CLNK: variants seen among roughly 807,000 people sequenced by gnomAD.
CLNK encodes the protein cytokine-dependent hematopoietic cell linker.
In CLNK, 74 loss-of-function variants were observed where a neutral mutation model predicts 68.6. The ratio of observed to expected loss-of-function variants is 1.08; its 90% CI spans 0.89 to 1.31. The LOEUF (loss-of-function observed/expected upper bound fraction) is 1.31, where lower values mean the gene tolerates loss of function less well. Ranked by LOEUF, CLNK falls within the 50% of genes most tolerant of loss-of-function variation. The pLI is 0.00. For missense variants in CLNK, 553 were observed against 515.3 expected (o/e 1.07, Z -0.71); for synonymous variants, 198 against 172.2 (o/e 1.15, Z -1.17).
chr4:10,727,922 T>C, the CLNK span, among the ~76,000 whole-genome samples: 1 of 152,140 alleles, frequency 6.6e-6, no homozygotes, highest in Admixed American at 6.5e-5. Flanking sequence ...GCTTAGCAAT[T>C]TTTTTTAACA....
intron 18 of CLNK, among the ~76,000 whole-genome samples, chr4:10,499,480 G>T (rs1055654719): frequency 6.6e-6 from 1 of 152,208 alleles, no homozygotes; most frequent in Non-Finnish European, 1.5e-5. Context: ...TCAAAAAAGT[G>T]CTCTGGTCAG....
At chr4:10,584,891 T>C in intron 4 of CLNK, 36 bp downstream of exon 4, 1 of 1,609,848 alleles carries the variant, frequency 6.2e-7, no homozygotes, top group Non-Finnish European at 8.5e-7. Context: ...CATGCTGACA[T>C]TCCCACCACT....
intron 18 of CLNK, among the ~76,000 whole-genome samples, chr4:10,493,507 G>C (rs376915332): frequency 6.6e-6 from 1 of 152,028 alleles, no homozygotes; most frequent in Non-Finnish European, 1.5e-5. Flanking sequence ...TCTTTTACAA[G>C]GGAACGAATC....
Position 10,584,952 on chromosome 4 carries a change from T to C in CLNK, c.87A>G (p.Ser29=), listed in dbSNP as rs1349443500. ...FQNFSLPKNR[S]WPRINSATGQ... ...CTGTGGCACTATTGATGCGAGGCCA[T>C]GACCTAGGGCAGAAAAGAGAACCAA... is the stretch of plus-strand genomic sequence containing the variant. The change falls in exon 4 of 19, where the codon TCA becomes TCG. Residue 29 remains serine, a synonymous_variant. Transcript: ENST00000226951. The C allele has an allele frequency of 1.2e-6, 2 of 1,613,578 alleles. No homozygotes were observed. Among genetic ancestry groups the C allele is most frequent in the African/African-American group, 1.3e-5 (1 of 74,896 alleles).
At chr4:10,618,613 C>T (rs570503263) in intron 2 of CLNK, among the ~76,000 whole-genome samples, 2 of 152,298 alleles carry the variant, frequency 1.3e-5, no homozygotes, top group South Asian at 2.1e-4. Context: ...TTAATTGGCT[C>T]ACGGTTCTGC....
intron 5 of CLNK, among the ~76,000 whole-genome samples, chr4:10,568,745 C>T (rs996293986): frequency 1.3e-5 from 2 of 152,142 alleles, no homozygotes; most frequent in African/African-American, 4.8e-5. Flanking sequence ...CTCTTCAGAG[C>T]CCCTGGAGGA....
intron 2 of CLNK, among the ~76,000 whole-genome samples, chr4:10,647,398 T>C (rs1033670851): frequency 6.6e-6 from 1 of 152,188 alleles, no homozygotes; most frequent in Admixed American, 6.5e-5. Context: ...CTTTGAAGAC[T>C]GGGAAATAGT....
chr4:10,722,230 C>A, the CLNK span, among the ~76,000 whole-genome samples: 2 of 152,070 alleles, frequency 1.3e-5, no homozygotes, highest in African/African-American at 4.8e-5. Context: ...GAGAGCAACT[C>A]ACCAATTTGG....
upstream of CLNK, among the ~76,000 whole-genome samples, chr4:10,686,835 T>A (rs1406025655): frequency 6.6e-6 from 1 of 152,184 alleles, no homozygotes; most frequent in Non-Finnish European, 1.5e-5. Context: ...TTCTGCTTTT[T>A]ACTCATGAAG....
chr4:10,587,145 T>C (rs1184813560), intron 3 of CLNK, among the ~76,000 whole-genome samples: 1 of 152,074 alleles, frequency 6.6e-6, no homozygotes, highest in Non-Finnish European at 1.5e-5. Flanking sequence ...TTTGTATTTG[T>C]AGTAGAGATG....
chr4:10,652,405 G>GAA, intron 2 of CLNK, among the ~76,000 whole-genome samples: 1 of 118,128 alleles, frequency 8.5e-6, no homozygotes, highest in East Asian at 2.7e-4. Context: ...AAAAAAAAAG[G>GAA]AAAAAAAAGA....
intron 5 of CLNK, among the ~76,000 whole-genome samples, chr4:10,571,245 C>A (rs1720329501): frequency 6.6e-6 from 1 of 151,672 alleles, no homozygotes. Flanking sequence ...TAGTTTTACA[C>A]CCAAGAATTA....
At chr4:10,599,731 C>T (rs1301681904) in intron 2 of CLNK, among the ~76,000 whole-genome samples, 1 of 151,756 alleles carries the variant, frequency 6.6e-6, no homozygotes, top group Non-Finnish European at 1.5e-5. Flanking sequence ...TTGACATCAT[C>T]CGAATCTGTT....
chr4:10,674,093 A>G (rs909469687), intron 1 of CLNK, among the ~76,000 whole-genome samples: 2 of 152,142 alleles, frequency 1.3e-5, no homozygotes, highest in African/African-American at 4.8e-5. Context: ...GGCACTTGGC[A>G]TGGGTGATAT....
the CLNK span, among the ~76,000 whole-genome samples, chr4:10,725,650 G>A: frequency 2.6e-5 from 4 of 152,178 alleles, no homozygotes; most frequent in East Asian, 1.9e-4. Flanking sequence ...TCAGGAGATC[G>A]AGACCATCCT....
intron 2 of CLNK, among the ~76,000 whole-genome samples, chr4:10,614,057 C>A (rs535512537): frequency 1.3e-5 from 2 of 152,300 alleles, no homozygotes; most frequent in East Asian, 1.9e-4. Flanking sequence ...GTGTGCCTGC[C>A]CTCTCCACAT....
chr4:10,529,492 C>T (rs573260315), intron 12 of CLNK, among the ~76,000 whole-genome samples: 9 of 152,288 alleles, frequency 5.9e-5, no homozygotes, highest in African/African-American at 2.2e-4. Context: ...GCATTGTATG[C>T]CTCCCTCTGA....
At position 10,518,149 on chromosome 4, in the gene CLNK, G is replaced by A. The variant is rs969932516; in HGVS notation, c.772+2642C>T. Among the ~76,000 whole-genome samples the A allele has an allele frequency of 2.6e-5, 4 of 152,154 alleles. No homozygotes were observed. In the East Asian group the frequency reaches 7.7e-4, roughly 29 times the overall value. On this transcript the variant is annotated intron_variant, in intron 15 of 18. Transcript: ENST00000226951. The stretch of plus-strand genomic sequence containing the variant: ...GAACATTGGGACTAGCATAGTGGAG[G>A]TGCACAATAAATTTGAGGGAGAGTA...
chr4:10,592,300 T>C (rs1721207519), intron 3 of CLNK, among the ~76,000 whole-genome samples: 1 of 151,520 alleles, frequency 6.6e-6, no homozygotes, highest in African/African-American at 2.4e-5. Flanking sequence ...CAATACATAT[T>C]AAAAAACAAA....
Sources: gnomAD v4.1 joint callset for allele counts (sites outside exome capture counted in the v4.1 genomes callset) on GRCh38, gnomAD v4.1.1 for gene constraint, MANE v1.5 for transcripts, NCBI Gene and HGNC (gene_info 2026-07-23, HGNC 2026-07-21) for gene names.